BRAF: variants seen among roughly 807,000 people sequenced by gnomAD.
BRAF encodes serine/threonine-protein kinase B-raf.
A neutral mutation model predicts 104.6 loss-of-function variants in BRAF; 16 were observed. The ratio of observed to expected loss-of-function variants is 0.15; its 90% CI spans 0.10 to 0.23. BRAF has a LOEUF of 0.23. Among genes scored for constraint, BRAF ranks in the 10% least tolerant of loss-of-function variants. BRAF has a pLI of 1.00. For synonymous variants in BRAF, 310 were observed against 341.6 expected (o/e 0.91, Z 1.02); for missense variants, 541 against 937.3 (o/e 0.58, Z 5.52).
intron 1 of BRAF, among the ~76,000 whole-genome samples, chr7:140,880,647 TAAATA>T (rs1812793416): frequency 6.6e-6 from 1 of 152,136 alleles, no homozygotes; most frequent in African/African-American, 2.4e-5. Context: ...AGATACTTCT[TAAATA>T]AGAAGAATTG....
At chr7:140,840,683 C>T (rs879804497) in intron 2 of BRAF, among the ~76,000 whole-genome samples, 5 of 151,288 alleles carry the variant, frequency 3.3e-5, no homozygotes, top group Non-Finnish European at 7.4e-5. Flanking sequence ...CCCAGCTGCC[C>T]GGGAGGCTGA....
rs148449586 is a variant in BRAF at position 140,905,811 on chromosome 7, G to A, written c.138+18755C>T. Reference sequence around the variant, plus strand: ...TAACTTAGAAATTAAAACATAGGCCGGGCGCGGTGGCTCACGCCTGTAATC... The same window carrying A: ...TAACTTAGAAATTAAAACATAGGCCAGGCGCGGTGGCTCACGCCTGTAATC... On this transcript the variant is annotated intron_variant, in intron 1 of 19. Coordinates refer to ENST00000644969, the MANE Select transcript of BRAF (RefSeq NM_001374258.1). 3.4e-3 allele frequency among the ~76,000 whole-genome samples: 519 copies of A among 152,126 alleles called. 3 individuals carry two copies. The highest frequency in any genetic ancestry group is 0.012 in the African/African-American group (488 of 41,492).
intron 17 of BRAF, among the ~76,000 whole-genome samples, chr7:140,746,693 G>A (rs968047527): frequency 6.6e-6 from 1 of 151,914 alleles, no homozygotes; most frequent in South Asian, 2.1e-4. Context: ...TTAGCTGGGT[G>A]TAGTGCTGCG....
intron 14 of BRAF, among the ~76,000 whole-genome samples, chr7:140,755,544 C>T (rs1037097817): frequency 6.6e-6 from 1 of 151,908 alleles, no homozygotes; most frequent in Non-Finnish European, 1.5e-5. Context: ...TAAAGTAATC[C>T]CTTCTCCAAT....
intron 2 of BRAF, among the ~76,000 whole-genome samples, chr7:140,839,574 A>T (rs917164848): frequency 2.6e-5 from 4 of 152,016 alleles, no homozygotes; most frequent in African/African-American, 9.7e-5. Context: ...TAAAAAAAAT[A>T]TGAAACTTGG....
chr7:140,726,876 A>G (rs1178505652), intron 19 of BRAF, among the ~76,000 whole-genome samples: 2 of 152,170 alleles, frequency 1.3e-5, no homozygotes, highest in Non-Finnish European at 2.9e-5. Flanking sequence ...TGAATTATCA[A>G]CTCATTTTCA....
In BRAF at chr7:140,884,841, CAAG is replaced by C. The variant is rs146571879; in HGVS notation, c.139-34632_139-34630del. 9.7e-3 allele frequency among the ~76,000 whole-genome samples: 1,468 copies of C among 151,754 alleles called. 25 individuals are homozygous for C. The highest frequency in any genetic ancestry group is 0.034 in the African/African-American group (1,387 of 41,346). ...TATTTACCACATTAAAAATTATAAC[CAAG>C]AAATGTTTAAAATTCATTTTAAAAT... On this transcript the variant is annotated intron_variant, in intron 1 of 19. Transcript: ENST00000644969.
chr7:140,742,044 TTTAAG>T (rs1349710281), intron 17 of BRAF, among the ~76,000 whole-genome samples: 1 of 152,198 alleles, frequency 6.6e-6, no homozygotes. Flanking sequence ...GTTTTCAATG[TTTAAG>T]TTAACTGTTC....
At chr7:140,839,626 A>G (rs1807718083) in intron 2 of BRAF, among the ~76,000 whole-genome samples, 1 of 152,172 alleles carries the variant, frequency 6.6e-6, no homozygotes, top group African/African-American at 2.4e-5. Flanking sequence ...GCAACCCAGG[A>G]GGCTGAAGCG....
intron 5 of BRAF, among the ~76,000 whole-genome samples, chr7:140,805,775 T>C (rs1489116381): frequency 2.0e-5 from 3 of 152,158 alleles, no homozygotes; most frequent in Non-Finnish European, 4.4e-5. Flanking sequence ...ACTGAAGGGA[T>C]TGCTTTTATA....
chr7:140,818,838 T>C (rs543140531), intron 3 of BRAF, among the ~76,000 whole-genome samples: 20 of 152,352 alleles, frequency 1.3e-4, no homozygotes, highest in African/African-American at 4.8e-4. Context: ...TTAGTCTACC[T>C]TATTTTGAAG....
intron 1 of BRAF, among the ~76,000 whole-genome samples, chr7:140,912,363 A>T (rs9648716): frequency 0.3 from 45,696 of 152,046 alleles, 10,956 homozygotes; most frequent in African/African-American, 0.67. Flanking sequence ...AGCATTTCTA[A>T]CCACATACTC....
intron 1 of BRAF, among the ~76,000 whole-genome samples, chr7:140,898,270 A>C (rs1395458718): frequency 6.6e-6 from 1 of 152,114 alleles, no homozygotes; most frequent in Non-Finnish European, 1.5e-5. Context: ...GATAAAGAAG[A>C]CTATCCATAG....
intron 1 of BRAF, among the ~76,000 whole-genome samples, chr7:140,862,693 T>C (rs1810547316): frequency 6.6e-6 from 1 of 152,140 alleles, no homozygotes; most frequent in South Asian, 2.1e-4. Flanking sequence ...AGATTACTTG[T>C]TGACTTAAGG....
At chr7:140,869,855 GTATA>G (rs1411229062) in intron 1 of BRAF, among the ~76,000 whole-genome samples, 1 of 152,096 alleles carries the variant, frequency 6.6e-6, no homozygotes, top group African/African-American at 2.4e-5. Context: ...CAAAATTCAA[GTATA>G]TATAATCAAG....
intron 19 of BRAF, among the ~76,000 whole-genome samples, chr7:140,727,628 C>CT (rs548667401): frequency 0.029 from 4,303 of 147,282 alleles, 207 homozygotes; most frequent in African/African-American, 0.099. Context: ...CACTATTTTT[C>CT]TTTTTTTTTT....
chr7:140,867,873 G>A (rs1399608533), intron 1 of BRAF, among the ~76,000 whole-genome samples: 1 of 152,122 alleles, frequency 6.6e-6, no homozygotes, highest in Non-Finnish European at 1.5e-5. Context: ...TTTCCATTCT[G>A]ACCCTGGGCT....
At chr7:140,771,977 C>T (rs1243637018) in intron 14 of BRAF, among the ~76,000 whole-genome samples, 1 of 151,960 alleles carries the variant, frequency 6.6e-6, no homozygotes, top group East Asian at 1.9e-4. Flanking sequence ...AAAACAAAGC[C>T]CTCAAGATGA....
chr7:140,833,030 C>T (rs60665674), intron 3 of BRAF, among the ~76,000 whole-genome samples: 3 of 151,974 alleles, frequency 2.0e-5, no homozygotes, highest in East Asian at 1.9e-4. Flanking sequence ...CCCACCACCA[C>T]GCCCCGCTAA....
Sources: allele counts gnomAD v4.1 joint callset (sites outside exome capture counted in the v4.1 genomes callset), GRCh38; gene constraint gnomAD v4.1.1; transcripts MANE v1.5; gene names NCBI Gene and HGNC (gene_info 2026-07-23, HGNC 2026-07-21).